CYP24A1: variants seen among roughly 807,000 people sequenced by gnomAD.
The protein encoded by CYP24A1 is cytochrome P450 family 24 subfamily A member 1.
A neutral mutation model predicts 62.4 loss-of-function variants in CYP24A1; 68 were observed. That is an observed-to-expected ratio of 1.09 (90% CI 0.90 to 1.33). The LOEUF (loss-of-function observed/expected upper bound fraction) is 1.33. CYP24A1 is among the 40% of genes most tolerant of loss of function. The probability of loss-of-function intolerance (pLI) is 0.00; values close to 1 mark genes in which losing one functional copy is unlikely to be tolerated. For missense variants in CYP24A1, 787 were observed against 653.0 expected, an observed-to-expected ratio of 1.21 and a Z score of -2.24; for synonymous variants, 267 against 253.0, an observed-to-expected ratio of 1.06 and a Z score of -0.52.
rs1471897603 is a variant in CYP24A1 at position 54,171,656 on chromosome 20, C to T, written c.464G>A (p.Trp155Ter). 3.7e-6 allele frequency: 6 copies of T among 1,613,820 alleles called. No homozygotes were observed. In the South Asian group the frequency reaches 5.5e-5, roughly 15 times the overall value. Residue 155 changes from tryptophan to a stop codon, truncating the protein, a stop_gained, in exon 3 of 12, where the codon TGG becomes TAG. Transcript: ENST00000216862. LOFTEE classifies it high-confidence loss of function. ...YGLLILEGED[W>*]QRVRSAFQKK... ...TTGAAAGGCACTCCGGACCCGCTGC[C>T]AGTCTTCCCCTTCCCTGTGAGAGAA...
intron 7 of CYP24A1, chr20:54,162,489 G>A (rs1402479194): frequency 8.7e-5 from 47 of 539,152 alleles, no homozygotes; most frequent in Admixed American, 1.6e-4. Context: ...ACAGAAGCCC[G>A]TGCATGGAGG....
chr20:54,172,763 A>G (rs574324052), intron 2 of CYP24A1, 146 bp downstream of exon 2: 1 of 1,519,908 alleles, frequency 6.6e-7, no homozygotes, highest in South Asian at 1.2e-5. Context: ...CAGGGTTGCG[A>G]TGGCACGGGA....
Position 54,157,388 on chromosome 20 carries a change from C to T in CYP24A1, c.1434G>A (p.Trp478Ter), listed in dbSNP as rs986415153. The change falls in exon 10 of 12, where the codon TGG (tryptophan) becomes TGA (stop). Residue 478 changes from tryptophan to a stop codon, truncating the protein, a stop_gained and splice_region_variant. Transcript: ENST00000216862. LOFTEE classifies it high-confidence loss of function. Reference protein sequence around the residue: ...AELQLHLALCWIVRKYDIQAT... With the variant: ...AELQLHLALC Reference sequence around the variant, plus strand: ...TTGCAGAAACCGGTAAAGGTTTTACCCAACAAAGAGCCAAATGCAGTTGAA... The same window carrying T: ...TTGCAGAAACCGGTAAAGGTTTTACTCAACAAAGAGCCAAATGCAGTTGAA... 2.5e-6 allele frequency: 4 copies of T among 1,580,348 alleles called. No individual in the cohort carries two copies. The highest frequency in any genetic ancestry group is 1.1e-5 in the South Asian group (1 of 90,414).
intron 5 of CYP24A1, 33 bp from the exon 6 acceptor site, chr20:54,164,596 AT>A: frequency 6.2e-7 from 1 of 1,613,934 alleles, no homozygotes; most frequent in Non-Finnish European, 8.5e-7. Context: ...TTTATTCTGA[AT>A]TCTCCTTCTC....
At chr20:54,165,249 C>T (rs1480245268) in intron 5 of CYP24A1, among the ~76,000 whole-genome samples, 2 of 152,216 alleles carry the variant, frequency 1.3e-5, no homozygotes, top group African/African-American at 4.8e-5. Context: ...GCATTAGATT[C>T]TTACAGGAGT....
At chr20:54,172,867 T>A (rs757699874) in intron 2 of CYP24A1, 42 bp downstream of exon 2, 1 of 1,612,532 alleles carries the variant, frequency 6.2e-7, no homozygotes, top group Non-Finnish European at 8.5e-7. Context: ...GTCAGGCTCA[T>A]CAGGTCTGGC....
Position 54,173,901 on chromosome 20 carries a change from C to G in CYP24A1, c.-322G>C. 1 of 444,848 alleles carries G rather than the reference C, an allele frequency of 2.2e-6. No homozygotes were observed. The highest frequency in any genetic ancestry group is 3.7e-5 in the Admixed American group (1 of 27,334). 27.6% of individuals were successfully genotyped at this position (444,848 alleles called of 1,614,324 possible). On this transcript the variant is annotated 5_prime_UTR_variant, in exon 1 of 12. Transcript: ENST00000216862. The surrounding 1 kb of genome is among the most constrained non-coding windows in gnomAD (Gnocchi z 7.2). The stretch of plus-strand genomic sequence containing the variant: ...TCCTGTTGGTCCGCAAGGCTGACCT[C>G]TAGGGTCTGGCTGGAGCCACGGGGA...
chr20:54,163,386 T>C (rs11907626), intron 6 of CYP24A1, among the ~76,000 whole-genome samples: 1 of 152,090 alleles, frequency 6.6e-6, no homozygotes, highest in Non-Finnish European at 1.5e-5. Context: ...CTAATATTTA[T>C]AACATAAAAT....
chr20:54,168,230 C>T (rs2146496358), intron 4 of CYP24A1, among the ~76,000 whole-genome samples: 1 of 152,368 alleles, frequency 6.6e-6, no homozygotes, highest in East Asian at 1.9e-4. Flanking sequence ...GCTGTCCCAC[C>T]TGATCACAGC....
intron 4 of CYP24A1, among the ~76,000 whole-genome samples, chr20:54,166,538 A>C (rs1238896616): frequency 6.6e-6 from 1 of 152,154 alleles, no homozygotes; most frequent in African/African-American, 2.4e-5. Context: ...ATCTGAAAAT[A>C]ATTTTGAGCT....
rs117685582 is a variant in CYP24A1 at position 54,169,577 on chromosome 20, G to C, written c.640+15C>G. The C allele has an allele frequency of 1.3e-3, 2,138 of 1,614,050 alleles. 2 individuals are homozygous for C. Among genetic ancestry groups the C allele is most frequent in the Non-Finnish European group, 1.7e-3 (2,043 of 1,179,976 alleles). On this transcript the variant is annotated intron_variant, in intron 4 of 11. Coordinates refer to ENST00000216862, the MANE Select transcript of CYP24A1 (RefSeq NM_000782.5). ...ACCTGCAAAATCAGTGAGCAAGTCT[G>C]TGACGACAACTTACTTTCAAACGAC...
At chr20:54,155,518 G>A (rs933214580) in intron 11 of CYP24A1, among the ~76,000 whole-genome samples, 3 of 151,990 alleles carry the variant, frequency 2.0e-5, no homozygotes, top group Admixed American at 2.0e-4. Context: ...TGGATCACGA[G>A]GTCAGGAGTT....
chr20:54,165,501 C>T (rs1036586237), intron 5 of CYP24A1, among the ~76,000 whole-genome samples: 1 of 152,228 alleles, frequency 6.6e-6, no homozygotes, highest in Non-Finnish European at 1.5e-5. Flanking sequence ...CCCCACCACC[C>T]TGCCCTGTCC....
At chr20:54,162,493 A>C (rs371495044) in intron 7 of CYP24A1, 6 of 298,344 alleles carry the variant, frequency 2.0e-5, no homozygotes, top group Non-Finnish European at 2.3e-5. Flanking sequence ...AAGCCCGTGC[A>C]TGGAGGCACC....
rs7344518 is a variant in CYP24A1 at position 54,158,058 on chromosome 20, A to G, written c.1236+28T>C. The G allele has an allele frequency of 3.1e-6, 5 of 1,612,090 alleles. No homozygotes were observed. In the Admixed American group the frequency reaches 6.7e-5, roughly 21 times the overall value. ...AAAGTGTATCTTCCAAGGTTTTGTA[A>G]GGTATAGAATATACAAATTCTACTT... is the stretch of plus-strand genomic sequence containing the variant. On this transcript the variant is annotated intron_variant, in intron 9 of 11. Transcript: ENST00000216862.
chr20:54,171,869 T>A, intron 2 of CYP24A1, 199 bp from the exon 3 acceptor site: 1 of 1,305,018 alleles, frequency 7.7e-7, no homozygotes, highest in Non-Finnish European at 1.0e-6. Context: ...GACAATAGGA[T>A]GAAAAAGCAC....
chr20:54,157,980 C>T (rs2092635653), intron 9 of CYP24A1, 106 bp downstream of exon 9: 9 of 1,550,056 alleles, frequency 5.8e-6, no homozygotes, highest in South Asian at 1.2e-5. Flanking sequence ...CTCTGCATTC[C>T]CAAAATGAAT....
chr20:54,167,280 C>T (rs2092675441), intron 4 of CYP24A1, among the ~76,000 whole-genome samples: 1 of 152,188 alleles, frequency 6.6e-6, no homozygotes, highest in Admixed American at 6.5e-5. Flanking sequence ...TTGTGTTCCA[C>T]AGTGGTTGGC....
chr20:54,163,764 T>C (rs1203740020), intron 6 of CYP24A1, among the ~76,000 whole-genome samples: 2 of 152,200 alleles, frequency 1.3e-5, no homozygotes, highest in Non-Finnish European at 2.9e-5. Flanking sequence ...CTGTAATCTG[T>C]AGTAGACCCA....
Sources: gnomAD v4.1 joint callset for allele counts (sites outside exome capture counted in the v4.1 genomes callset) on GRCh38, gnomAD v4.1.1 for gene constraint, Gnocchi (gnomAD v3.1) non-coding constraint, MANE v1.5 for transcripts, NCBI Gene and HGNC (gene_info 2026-07-23, HGNC 2026-07-21) for gene names.